Variants in TTLL8 observed in about 807,000 individuals in gnomAD.
TTLL8 encodes protein monoglycylase TTLL8.
TTLL8 carries 65 observed loss-of-function variants against 77.8 expected under a neutral mutation model. The ratio of observed to expected loss-of-function variants is 0.84; its 90% CI spans 0.68 to 1.03. The LOEUF (loss-of-function observed/expected upper bound fraction) is 1.03, where lower values mean the gene tolerates loss of function less well. Ranked by LOEUF, TTLL8 falls within the 50% of genes least tolerant of loss-of-function variation. The probability of loss-of-function intolerance (pLI) is 0.00; values close to 1 mark genes in which losing one functional copy is unlikely to be tolerated. For missense variants in TTLL8, 910 were observed against 1,004.5 expected (o/e 0.91, Z 1.27); for synonymous variants, 402 against 422.8 (o/e 0.95, Z 0.60).
At chr22:50,049,665 C>T (rs1253456728) in intron 2 of TTLL8, among the ~76,000 whole-genome samples, 1 of 152,056 alleles carries the variant, frequency 6.6e-6, no homozygotes, top group Non-Finnish European at 1.5e-5. Flanking sequence ...TGAGGGGCCA[C>T]AGGCAGGGGT....
intron 4 of TTLL8, 38 bp downstream of exon 6, chr22:50,047,130 T>G (rs770660731): frequency 7.3e-7 from 1 of 1,364,630 alleles, no homozygotes; most frequent in African/African-American, 1.5e-5. Context: ...CCCACCACCC[T>G]TGCCGGCTCC....
exon 12 of TTLL8, chr22:50,030,611 C>T (rs559299687): frequency 1.5e-6 from 2 of 1,295,810 alleles, no homozygotes; most frequent in East Asian, 4.8e-5. Context: ...GGAGCTCCAC[C>T]TTCCCAGCAG....
At chr22:50,035,898 G>A (rs1287271245) in intron 8 of TTLL8, among the ~76,000 whole-genome samples, 2 of 152,210 alleles carry the variant, frequency 1.3e-5, no homozygotes, top group Non-Finnish European at 2.9e-5. Context: ...GGTGGTATTT[G>A]GGCAGGACCA....
At chr22:50,030,455 C>G in exon 12 of TTLL8, 1 of 1,336,930 alleles carries the variant, frequency 7.5e-7, no homozygotes, top group South Asian at 1.2e-5. Flanking sequence ...GCGGACGCAG[C>G]GCGCCCTCTG....
chr22:50,049,103 G>C, intron 3 of TTLL8, 146 bp downstream of exon 5: 1 of 1,259,846 alleles, frequency 7.9e-7, no homozygotes, highest in African/African-American at 1.5e-5. Flanking sequence ...CCTGCTGCCC[G>C]GTCAAGGGGC....
At chr22:50,026,277 A>G (rs2061229014) in intron 12 of TTLL8, among the ~76,000 whole-genome samples, 1 of 152,088 alleles carries the variant, frequency 6.6e-6, no homozygotes, top group Non-Finnish European at 1.5e-5. Context: ...GCCACTCTGC[A>G]CAGCCGCCAC....
chr22:50,027,930 G>A (rs936905517), intron 12 of TTLL8, among the ~76,000 whole-genome samples: 6 of 152,232 alleles, frequency 3.9e-5, no homozygotes, highest in African/African-American at 1.2e-4. Flanking sequence ...TGGCAACTGC[G>A]GCAGGAACCT....
At chr22:50,030,653 G>A (rs1360448134) in exon 12 of TTLL8, 2 of 1,281,152 alleles carry the variant, frequency 1.6e-6, no homozygotes, top group East Asian at 4.9e-5. Context: ...CGGCTCCACC[G>A]CTCTCGGCTG....
intron 12 of TTLL8, chr22:50,027,683 G>T (rs530739082): frequency 1.0e-6 from 1 of 985,452 alleles, no homozygotes; most frequent in South Asian, 4.7e-5. Context: ...GACTGGGCCT[G>T]GTGACCCTGT....
chr22:50,023,457 G>C (rs2061215446), intron 12 of TTLL8, among the ~76,000 whole-genome samples: 1 of 152,158 alleles, frequency 6.6e-6, no homozygotes, highest in African/African-American at 2.4e-5. Context: ...GGCCGAGGCG[G>C]GTGGATCACA....
At chr22:50,052,572 A>G (rs536087776) in intron 1 of TTLL8, among the ~76,000 whole-genome samples, 1 of 152,360 alleles carries the variant, frequency 6.6e-6, no homozygotes, top group South Asian at 2.1e-4. Context: ...TCCAGACAAA[A>G]GGCAAAGAGA....
chr22:50,030,704 C>A (rs770155892), exon 12 of TTLL8: 1 of 1,294,950 alleles, frequency 7.7e-7, no homozygotes, highest in Non-Finnish European at 1.0e-6. Flanking sequence ...GGAGCCCCTT[C>A]TCTTCCTTCA....
At chr22:50,048,044 C>A (rs901510312) in intron 3 of TTLL8, among the ~76,000 whole-genome samples, 6 of 152,014 alleles carry the variant, frequency 3.9e-5, no homozygotes, top group East Asian at 1.9e-4. Context: ...TTGCAGTGAG[C>A]CGAGATTGCA....
upstream of TTLL8, among the ~76,000 whole-genome samples, chr22:50,056,427 G>A (rs547820966): frequency 1.6e-4 from 25 of 152,294 alleles, no homozygotes; most frequent in Non-Finnish European, 2.8e-4. This position sits in a 1 kb window ranked among gnomAD's most constrained non-coding sequence, Gnocchi z 4.1. Context: ...CGGAGCTCTC[G>A]ATCTGGCCCT....
chr22:50,019,390 A>G (rs973151390), intron 12 of TTLL8, among the ~76,000 whole-genome samples: 25 of 152,242 alleles, frequency 1.6e-4, no homozygotes, highest in Admixed American at 1.4e-3. Context: ...CCTCACCCCC[A>G]GGCAATCACG....
chr22:50,047,077 C>A, intron 4 of TTLL8, 91 bp downstream of exon 6: 6 of 1,291,622 alleles, frequency 4.6e-6, no homozygotes, highest in Non-Finnish European at 6.1e-6. Context: ...CTGGTGGCCA[C>A]TGACCAGCCA....
upstream of TTLL8, chr22:50,056,806 C>G: frequency 3.1e-6 from 4 of 1,289,534 alleles, no homozygotes; most frequent in Non-Finnish European, 4.0e-6. This position sits in a 1 kb window ranked among gnomAD's most constrained non-coding sequence, Gnocchi z 4.1. Flanking sequence ...GCAGCCAGCA[C>G]TGCCTCTGAG....
chr22:50,042,464 C>A (rs1225007691), intron 6 of TTLL8, among the ~76,000 whole-genome samples: 1 of 152,140 alleles, frequency 6.6e-6, no homozygotes, highest in Non-Finnish European at 1.5e-5. Context: ...GTGTGTGCCA[C>A]CTTACCCAGC....
intron 4 of TTLL8, among the ~76,000 whole-genome samples, chr22:50,046,316 A>G (rs1425667324): frequency 2.0e-5 from 3 of 152,184 alleles, no homozygotes; most frequent in African/African-American, 7.2e-5. Flanking sequence ...AGGGTGTCCC[A>G]CACCTCAGAC....
Sources: gnomAD v4.1 joint callset for allele counts (sites outside exome capture counted in the v4.1 genomes callset) on GRCh38, gnomAD v4.1.1 for gene constraint, Gnocchi (gnomAD v3.1) non-coding constraint, MANE v1.5 for transcripts, NCBI Gene and HGNC (gene_info 2026-07-23, HGNC 2026-07-21) for gene names.